The following DSCAM variants were observed in gnomAD, a reference collection of about 807,000 sequenced individuals.
The protein encoded by DSCAM is cell adhesion molecule DSCAM.
In DSCAM, 47 loss-of-function variants were observed where a neutral mutation model predicts 217.7. That is an observed-to-expected ratio of 0.22 (90% CI 0.17 to 0.28). The LOEUF is 0.28. Among genes scored for constraint, DSCAM ranks in the 10% least tolerant of loss-of-function variants. The pLI is 1.00. For missense variants in DSCAM, 2,080 were observed against 2,618.3 expected, an observed-to-expected ratio of 0.79 and a Z score of 4.49; for synonymous variants, 1,056 against 1,015.3, an observed-to-expected ratio of 1.04 and a Z score of -0.76.
At chr21:40,591,022 G>C (rs1418183258) in intron 3 of DSCAM, among the ~76,000 whole-genome samples, 1 of 152,184 alleles carries the variant, frequency 6.6e-6, no homozygotes, top group East Asian at 1.9e-4. Context: ...TCAAGGGAGA[G>C]ACCAGGTGGA....
chr21:40,083,615 C>T (rs2089492502), intron 24 of DSCAM, among the ~76,000 whole-genome samples: 1 of 152,138 alleles, frequency 6.6e-6, no homozygotes, highest in African/African-American at 2.4e-5. Context: ...AAAAAAGAAA[C>T]AGTGTTTAGA....
chr21:40,240,011 T>C (rs953405882), intron 11 of DSCAM, among the ~76,000 whole-genome samples: 6 of 152,174 alleles, frequency 3.9e-5, no homozygotes, highest in Admixed American at 2.0e-4. Flanking sequence ...CCATAGCTGC[T>C]CAGACCTTCA....
intron 3 of DSCAM, among the ~76,000 whole-genome samples, chr21:40,562,135 T>C (rs1287125950): frequency 6.6e-6 from 1 of 152,220 alleles, no homozygotes; most frequent in Non-Finnish European, 1.5e-5. Flanking sequence ...TTAGGCTTTG[T>C]GTCCCCACCT....
chr21:40,287,119 G>T (rs2073838072), intron 10 of DSCAM, among the ~76,000 whole-genome samples: 1 of 151,788 alleles, frequency 6.6e-6, no homozygotes, highest in Non-Finnish European at 1.5e-5. Flanking sequence ...TGATCTCAAG[G>T]TGGTCTGCAG....
At chr21:40,138,255 G>C (rs931034112) in intron 18 of DSCAM, among the ~76,000 whole-genome samples, 20 of 151,964 alleles carry the variant, frequency 1.3e-4, no homozygotes, top group Admixed American at 1.3e-3. Flanking sequence ...GGGTGTGTGT[G>C]GTGTTTGTGG....
At chr21:40,803,538 T>A (rs1222092481) in intron 1 of DSCAM, among the ~76,000 whole-genome samples, 1 of 152,210 alleles carries the variant, frequency 6.6e-6, no homozygotes, top group Non-Finnish European at 1.5e-5. Flanking sequence ...TAGTCACTGA[T>A]CTCGGGCCCC....
chr21:40,257,498 A>ACACACACACACACACACACACAC (rs57376473), intron 11 of DSCAM, among the ~76,000 whole-genome samples: 4 of 150,226 alleles, frequency 2.7e-5, no homozygotes, highest in South Asian at 2.1e-4. Context: ...ACACACACAC[A>ACACACACACACACACACACACAC]ATGGCAAACG....
rs573938637 is a variant in DSCAM at position 40,521,068 on chromosome 21, C to G, written c.509-151823G>C. 8.5e-5 allele frequency among the ~76,000 whole-genome samples: 13 copies of G among 152,246 alleles called. No homozygotes were observed. The South Asian group carries it at 2.7e-3, about 32-fold the overall frequency. On this transcript the variant is annotated intron_variant, in intron 3 of 32. Coordinates refer to ENST00000400454, the MANE Select transcript of DSCAM (RefSeq NM_001389.5). Reference sequence around the variant, plus strand: ...ACTCTTTCTGTGTTTTACAATAATTCAAGAATCCCTACTGTATGTAGAACA... The same window carrying G: ...ACTCTTTCTGTGTTTTACAATAATTGAAGAATCCCTACTGTATGTAGAACA...
At chr21:40,020,481 CAGCA>C (rs1174281130) in intron 32 of DSCAM, among the ~76,000 whole-genome samples, 1 of 151,798 alleles carries the variant, frequency 6.6e-6, no homozygotes, top group Non-Finnish European at 1.5e-5. Context: ...TGCAATAAGA[CAGCA>C]AGCAGGGCAT....
At chr21:40,170,087 C>T (rs551225244) in intron 15 of DSCAM, among the ~76,000 whole-genome samples, 3 of 152,178 alleles carry the variant, frequency 2.0e-5, no homozygotes, top group South Asian at 2.1e-4. Context: ...TCCACGCTTT[C>T]GTTCCGCGCA....
chr21:40,074,723 G>A (rs1469478990), intron 27 of DSCAM, among the ~76,000 whole-genome samples: 1 of 152,168 alleles, frequency 6.6e-6, no homozygotes, highest in Non-Finnish European at 1.5e-5. Flanking sequence ...CACAATTGGT[G>A]GCTTTGCTGG....
intron 5 of DSCAM, among the ~76,000 whole-genome samples, chr21:40,349,642 A>G (rs899154881): frequency 6.6e-6 from 1 of 152,204 alleles, no homozygotes; most frequent in East Asian, 1.9e-4. Flanking sequence ...TCTCTATTTT[A>G]CAAAACAGAA....
intron 18 of DSCAM, among the ~76,000 whole-genome samples, chr21:40,137,412 C>CT (rs1195879831): frequency 6.6e-6 from 1 of 151,968 alleles, no homozygotes; most frequent in Admixed American, 6.6e-5. Flanking sequence ...TGAAGGAAGG[C>CT]TATTTTCCTG....
chr21:40,539,803 T>C (rs923470706), intron 3 of DSCAM, among the ~76,000 whole-genome samples: 2 of 152,216 alleles, frequency 1.3e-5, no homozygotes, highest in Non-Finnish European at 2.9e-5. Flanking sequence ...TTCATTAAGA[T>C]GAAAGCATAG....
chr21:40,246,638 T>C (rs2073230220), intron 11 of DSCAM, among the ~76,000 whole-genome samples: 1 of 151,682 alleles, frequency 6.6e-6, no homozygotes, highest in African/African-American at 2.4e-5. Context: ...CCAACAGCAA[T>C]GAAGGTGAAG....
At chr21:40,763,004 C>G (rs1226615950) in intron 1 of DSCAM, among the ~76,000 whole-genome samples, 2 of 152,176 alleles carry the variant, frequency 1.3e-5, no homozygotes, top group African/African-American at 4.8e-5. Flanking sequence ...TGGGCAAAAG[C>G]TGGAAGCGTT....
At position 40,105,782 on chromosome 21, in the gene DSCAM, T is replaced by C. The variant is rs575714370; in HGVS notation, c.3697-11908A>G. ...ACTTCCCTTCCACTTTCTTAAAGAA[T>C]AGAAGTCAAATAAATAGGCAAAAAT... On this transcript the variant is annotated intron_variant, in intron 20 of 32. Transcript: ENST00000400454. Among the ~76,000 whole-genome samples the C allele has an allele frequency of 4.6e-5, 7 of 152,230 alleles. No individual in the cohort carries two copies. In the South Asian group the frequency reaches 8.3e-4, roughly 18 times the overall value.
intron 1 of DSCAM, among the ~76,000 whole-genome samples, chr21:40,798,608 C>T (rs898614342): frequency 6.6e-6 from 1 of 151,942 alleles, no homozygotes; most frequent in African/African-American, 2.4e-5. Flanking sequence ...GTAGCAGATA[C>T]ATACGATAAA....
At chr21:40,295,810 A>C (rs145863214) in intron 10 of DSCAM, among the ~76,000 whole-genome samples, 7 of 152,330 alleles carry the variant, frequency 4.6e-5, no homozygotes, top group South Asian at 2.1e-4. Context: ...CAATCTACAC[A>C]AAAGACTTCC....
Sources: gnomAD v4.1 joint callset for allele counts (sites outside exome capture counted in the v4.1 genomes callset) on GRCh38, gnomAD v4.1.1 for gene constraint, MANE v1.5 for transcripts, NCBI Gene and HGNC (gene_info 2026-07-23, HGNC 2026-07-21) for gene names.